The following GNAS variants were observed in gnomAD, a reference collection of about 807,000 sequenced individuals.
The protein encoded by GNAS is protein ALEX.
GNAS carries 8 observed loss-of-function variants against 54.5 expected under a neutral mutation model. That is an observed-to-expected ratio of 0.15 (90% CI 0.09 to 0.26). The LOEUF is 0.26. Among genes scored for constraint, GNAS ranks in the 10% least tolerant of loss-of-function variants. The pLI, the probability that GNAS is intolerant of heterozygous loss-of-function variation, is 1.00. For synonymous variants in GNAS, 204 were observed against 191.4 expected (o/e 1.07, Z -0.54); for missense variants, 170 against 529.8 (o/e 0.32, Z 6.67).
rs1364612340 is a variant in GNAS, at chr20:58,911,087, CAGCAGCAGCAAACAAATAAAAT to C, written c.*259_*280del. ...TCACTTTCAGTAAAAATAAATAAAA[CAGCAGCAGCAAACAAATAAAAT>C]GAAATAAAAGAAACAAATGAAATAA... On this transcript the variant is annotated 3_prime_UTR_variant, in exon 13 of 13. Coordinates refer to ENST00000371085, the MANE Select transcript of GNAS (RefSeq NM_000516.7). The C allele has an allele frequency of 8.0e-6, 5 of 628,498 alleles. No homozygotes were observed. The East Asian group carries it at 1.5e-4, about 19-fold the overall frequency. The allele number at this position is 628,498 out of a possible 1,614,324, so 38.9% of individuals were successfully genotyped here.
chr20:58,892,236 G>A (rs763405436), intron 1 of GNAS: 3 of 948,810 alleles, frequency 3.2e-6, no homozygotes, highest in Admixed American at 1.2e-4. Flanking sequence ...GGGAGGGGGA[G>A]CCCATGGGGC....
intron 3 of GNAS, chr20:58,900,301 C>A: frequency 2.8e-6 from 1 of 363,214 alleles, no homozygotes; most frequent in East Asian, 4.7e-5. Flanking sequence ...CCTGCTAAAC[C>A]CTTGAACCCT....
chr20:58,910,261 G>C lies in GNAS; in HGVS notation c.971-73G>C. 1.5e-6 allele frequency: 2 copies of C among 1,306,718 alleles called. No individual in the cohort carries two copies. Among genetic ancestry groups the C allele is most frequent in the Admixed American group, 3.4e-5 (2 of 59,660 alleles). The allele number at this position is 1,306,718 out of a possible 1,614,324, so 80.9% of individuals were successfully genotyped here. On this transcript the variant is annotated intron_variant, in intron 11 of 12. Transcript: ENST00000371085. The surrounding 1 kb of genome is among the most constrained non-coding windows in gnomAD (Gnocchi z 5.8). Reference sequence around the variant, plus strand: ...AATCAGGGTTTTGAAGACTTCAGGAGCTACAGAGATGCTAGCACCCCAGCT... The same window carrying C: ...AATCAGGGTTTTGAAGACTTCAGGACCTACAGAGATGCTAGCACCCCAGCT...
At position 58,891,768 on chromosome 20, in the gene GNAS, C is replaced by T. The variant is rs1362699257; in HGVS notation, c.42C>T (p.Asn14=). 1.6e-6 allele frequency: 2 copies of T among 1,270,234 alleles called. No homozygotes were observed. The highest frequency in any genetic ancestry group is 2.1e-6 in the Non-Finnish European group (2 of 967,744). The allele number at this position is 1,270,234 out of a possible 1,614,324, so 78.7% of individuals were successfully genotyped here. A position where few individuals can be genotyped will look rare whatever the true frequency, so the allele number is the denominator to read the frequency against. Reference sequence around the variant, plus strand: ...ACAGTAAGACCGAGGACCAGCGCAACGAGGAGAAGGCGCAGCGTGAGGCCA... The same window carrying T: ...ACAGTAAGACCGAGGACCAGCGCAATGAGGAGAAGGCGCAGCGTGAGGCCA... The part of the protein sequence containing the change: ...LGNSKTEDQR[N]EEKAQREANK... Residue 14 remains asparagine, a synonymous_variant, in exon 1 of 13, where the codon AAC becomes AAT. Coordinates refer to ENST00000371085, the MANE Select transcript of GNAS (RefSeq NM_000516.7).
At chr20:58,852,896 C>T in intron 1 of GNAS, 2 of 520,110 alleles carry the variant, frequency 3.8e-6, no homozygotes, top group South Asian at 8.3e-5. Context: ...GCGCTACTGG[C>T]GATTTTCGGA....
intron 1 of GNAS, among the ~76,000 whole-genome samples, chr20:58,861,910 G>T (rs1273181119): frequency 6.6e-6 from 1 of 151,936 alleles, no homozygotes; most frequent in African/African-American, 2.4e-5. Context: ...TCACCATGTT[G>T]GTCAGGCGGG....
intron 2 of GNAS, among the ~76,000 whole-genome samples, chr20:58,896,599 C>G (rs968614223): frequency 6.6e-6 from 1 of 150,974 alleles, no homozygotes; most frequent in African/African-American, 2.4e-5. Flanking sequence ...GCCTACCCAT[C>G]GTTCTCGTGT....
At chr20:58,858,859 G>C (rs1279614679) in intron 1 of GNAS, among the ~76,000 whole-genome samples, 1 of 151,946 alleles carries the variant, frequency 6.6e-6, no homozygotes, top group African/African-American at 2.4e-5. Context: ...TGAGCTTTTG[G>C]TGTGGTAGGA....
chr20:58,897,470 T>G (rs1381937761), intron 2 of GNAS: 1 of 152,236 alleles, frequency 6.6e-6, no homozygotes, highest in Non-Finnish European at 1.5e-5. Context: ...CTAGCATTTT[T>G]CAAAGATGCA....
chr20:58,854,982 G>C lies in GNAS; in HGVS notation c.43+14096G>C. 1.2e-6 allele frequency: 2 copies of C among 1,612,304 alleles called. No individual in the cohort carries two copies. Among genetic ancestry groups the C allele is most frequent in the African/African-American group, 1.3e-5 (1 of 75,052 alleles). ...CTACGATGAAGGGGTGGCCAGCAGC[G>C]ACGATGACTCCAGCGGAGACGAGTC... On this transcript the variant is annotated intron_variant, in intron 1 of 12. Coordinates refer to the GNAS transcript ENST00000306090.
In GNAS at chr20:58,853,583, T is replaced by C. The variant is rs760757595; in HGVS notation, c.43+12697T>C. On this transcript the variant is annotated intron_variant, in intron 1 of 12. Coordinates refer to the GNAS transcript ENST00000306090. The surrounding 1 kb of genome is among the most constrained non-coding windows in gnomAD (Gnocchi z 4.4). ...CTGAGGAAGCAATGCCCTTCGAGGC[T>C]GAACAGCCCAGCTTGGGAGGCTTCT... The C allele has an allele frequency of 5.0e-6, 8 of 1,613,180 alleles. No individual in the cohort carries two copies. In the Admixed American group the frequency reaches 1.3e-4, roughly 27 times the overall value.
At chr20:58,840,821 C>T (rs79527543), upstream of GNAS, 2 of 1,612,768 alleles carry the variant, frequency 1.2e-6, no homozygotes, top group Non-Finnish European at 1.7e-6. This position sits in a 1 kb window ranked among gnomAD's most constrained non-coding sequence, Gnocchi z 6.0. Flanking sequence ...CAAAAAGGGA[C>T]CCATCCCCAT....
At chr20:58,886,940 A>T (rs879277158), upstream of GNAS, among the ~76,000 whole-genome samples, 23 of 152,268 alleles carry the variant, frequency 1.5e-4, no homozygotes, top group Admixed American at 2.6e-4. Flanking sequence ...TGTTTTGAAG[A>T]GTGGCCTCAT....
At chr20:58,875,982 C>A (rs187387795) in intron 1 of GNAS, among the ~76,000 whole-genome samples, 212 of 152,202 alleles carry the variant, frequency 1.4e-3, no homozygotes, top group African/African-American at 4.2e-3. Flanking sequence ...CATAAACAGC[C>A]CCCCCAACTG....
chr20:58,861,869 C>T (rs2086800035), intron 1 of GNAS, among the ~76,000 whole-genome samples: 3 of 151,860 alleles, frequency 2.0e-5, no homozygotes, highest in Admixed American at 2.0e-4. Flanking sequence ...CCACGCCCCA[C>T]TAATTTTGTA....
chr20:58,851,023 A>C (rs1016250712), intron 1 of GNAS: 3 of 397,744 alleles, frequency 7.5e-6, no homozygotes, highest in African/African-American at 2.1e-5. Flanking sequence ...GAGGGGAGTG[A>C]GTTGGTGTTG....
At chr20:58,889,339 GCAC>G (rs2088881337), upstream of GNAS, 1 of 986,998 alleles carries the variant, frequency 1.0e-6, no homozygotes, top group Non-Finnish European at 1.2e-6. Context: ...GCGTGTGAGT[GCAC>G]CTCACTCACA....
chr20:58,845,905 C>G (rs978876368), intron 1 of GNAS, among the ~76,000 whole-genome samples: 4 of 152,188 alleles, frequency 2.6e-5, no homozygotes, highest in Non-Finnish European at 5.9e-5. Flanking sequence ...AATGGGGAGG[C>G]TGCCTTCCCA....
rs113710448 is a variant in GNAS at position 58,877,975 on chromosome 20, G to A, written c.44-17637G>A. On this transcript the variant is annotated intron_variant, in intron 1 of 12. Transcript: ENST00000306090. ...GTCCAGGTTAGCTGTGGAGTCCTTA[G>A]AGATGAAGGGAGCAGAGAGGGCGGA... Among the ~76,000 whole-genome samples the A allele has an allele frequency of 1.8e-3, 272 of 152,316 alleles. 1 individual carries two copies. The highest frequency in any genetic ancestry group is 3.3e-3 in the Non-Finnish European group (224 of 68,020).
Sources: gnomAD v4.1 joint callset for allele counts (sites outside exome capture counted in the v4.1 genomes callset) on GRCh38, gnomAD v4.1.1 for gene constraint, Gnocchi (gnomAD v3.1) non-coding constraint, MANE v1.5 for transcripts, NCBI Gene and HGNC (gene_info 2026-07-23, HGNC 2026-07-21) for gene names.